PDE1A: variants seen among roughly 807,000 people sequenced by gnomAD.
The protein encoded by PDE1A is dual specificity calcium/calmodulin-dependent 3',5'-cyclic nucleotide phosphodiesterase 1A.
A neutral mutation model predicts 61.7 loss-of-function variants in PDE1A; 35 were observed. That is an observed-to-expected ratio of 0.57 (90% confidence interval 0.43 to 0.75). PDE1A has a LOEUF of 0.75. Ranked by LOEUF, PDE1A falls within the 30% of genes least tolerant of loss-of-function variation. PDE1A has a pLI of 0.00. For missense variants in PDE1A, 597 were observed against 630.6 expected, an observed-to-expected ratio of 0.95 and a Z score of 0.57; for synonymous variants, 232 against 213.2, an observed-to-expected ratio of 1.09 and a Z score of -0.77.
At chr2:182,187,196 G>A (rs535642182) in intron 11 of PDE1A, among the ~76,000 whole-genome samples, 1 of 152,302 alleles carries the variant, frequency 6.6e-6, no homozygotes, top group Admixed American at 6.5e-5. Context: ...AATCAGTGAA[G>A]AGAAAAGTAA....
chr2:182,537,586 G>A, the PDE1A span, among the ~76,000 whole-genome samples: 5 of 151,950 alleles, frequency 3.3e-5, no homozygotes, highest in Non-Finnish European at 5.9e-5. Flanking sequence ...ACCATGGCAC[G>A]GGTATACCTA....
intron 2 of PDE1A, among the ~76,000 whole-genome samples, chr2:182,503,946 T>A (rs1689244990): frequency 6.6e-6 from 1 of 152,168 alleles, no homozygotes; most frequent in African/African-American, 2.4e-5. Flanking sequence ...TATTAATAAG[T>A]CAACAGAGTT....
In PDE1A at chr2:182,177,670, A is replaced by G. The variant is rs1227952759; in HGVS notation, c.1516+8222T>C. Among the ~76,000 whole-genome samples, 6 of 152,140 alleles carry G rather than the reference A, an allele frequency of 3.9e-5. No homozygotes were observed. The South Asian group carries it at 1.0e-3, about 26-fold the overall frequency. ...GCTATTTTGGTTACTGTAGCCTTGT[A>G]GTATAGTTTGAAGTCATGTAGCATG... On this transcript the variant is annotated intron_variant, in intron 13 of 13. Coordinates refer to ENST00000351439, the Ensembl canonical transcript of PDE1A.
intron 2 of PDE1A, among the ~76,000 whole-genome samples, chr2:182,247,420 G>C (rs1691055988): frequency 6.6e-6 from 1 of 152,112 alleles, no homozygotes. Context: ...ATTCCAGTTT[G>C]GAGAGAAGAA....
At chr2:182,560,978 T>G in the PDE1A span, among the ~76,000 whole-genome samples, 1 of 150,508 alleles carries the variant, frequency 6.6e-6, no homozygotes, top group South Asian at 2.2e-4. Flanking sequence ...ATGAGTTGGT[T>G]GCGAAAATTT....
intron 2 of PDE1A, among the ~76,000 whole-genome samples, chr2:182,501,000 C>T (rs891842578): frequency 6.6e-6 from 1 of 152,122 alleles, no homozygotes; most frequent in Non-Finnish European, 1.5e-5. Flanking sequence ...AAAATTTCAA[C>T]CAAAACGAAC....
chr2:182,652,626 T>C, the PDE1A span, among the ~76,000 whole-genome samples: 1 of 152,090 alleles, frequency 6.6e-6, no homozygotes, highest in African/African-American at 2.4e-5. Context: ...CCACCCCTGG[T>C]ACCATTGAGA....
At chr2:182,283,786 G>A (rs1693979671) in intron 1 of PDE1A, among the ~76,000 whole-genome samples, 1 of 152,052 alleles carries the variant, frequency 6.6e-6, no homozygotes, top group Non-Finnish European at 1.5e-5. Flanking sequence ...AGATTATGAA[G>A]TGAAAGTACA....
intron 1 of PDE1A, among the ~76,000 whole-genome samples, chr2:182,285,572 C>A (rs1694101087): frequency 1.3e-5 from 2 of 152,088 alleles, no homozygotes; most frequent in Admixed American, 1.3e-4. Context: ...GTATAACCTT[C>A]TTCTCCTAAC....
the PDE1A span, among the ~76,000 whole-genome samples, chr2:182,609,373 A>C: frequency 1.3e-5 from 2 of 152,248 alleles, no homozygotes; most frequent in African/African-American, 2.4e-5. Context: ...CCAGCCTGGT[A>C]ACCCTCTAGA....
chr2:182,673,358 C>A, the PDE1A span, among the ~76,000 whole-genome samples: 1 of 152,122 alleles, frequency 6.6e-6, no homozygotes, highest in African/African-American at 2.4e-5. Context: ...TGTTGAAAGA[C>A]AATGTTCCAT....
chr2:182,173,030 A>G (rs1441377551), intron 13 of PDE1A, among the ~76,000 whole-genome samples: 2 of 152,024 alleles, frequency 1.3e-5, no homozygotes, highest in Non-Finnish European at 2.9e-5. Flanking sequence ...CTAGGTGAAT[A>G]TAACTACGAA....
intron 1 of PDE1A, among the ~76,000 whole-genome samples, chr2:182,312,855 A>G (rs931044052): frequency 2.0e-5 from 3 of 150,822 alleles, no homozygotes; most frequent in African/African-American, 7.3e-5. Context: ...TGCTGGGATT[A>G]TGACTGGGGT....
the PDE1A span, among the ~76,000 whole-genome samples, chr2:182,676,295 C>T: frequency 6.6e-6 from 1 of 152,014 alleles, no homozygotes; most frequent in East Asian, 1.9e-4. Context: ...CCTCTACACA[C>T]AAAAATTAGA....
At chr2:182,577,663 T>C in the PDE1A span, among the ~76,000 whole-genome samples, 2 of 152,198 alleles carry the variant, frequency 1.3e-5, no homozygotes, top group Non-Finnish European at 2.9e-5. Context: ...ATTGCATTCA[T>C]AAAATTGCAC....
At chr2:182,263,689 A>G (rs955008887) in intron 2 of PDE1A, among the ~76,000 whole-genome samples, 1 of 152,098 alleles carries the variant, frequency 6.6e-6, no homozygotes, top group East Asian at 1.9e-4. Context: ...CATCTCCTGG[A>G]TTTGCCAAAT....
the PDE1A span, among the ~76,000 whole-genome samples, chr2:182,578,426 A>G: frequency 5.3e-5 from 8 of 152,242 alleles, no homozygotes; most frequent in African/African-American, 1.9e-4. Context: ...GCAATATTTT[A>G]TGATTTCAAA....
intron 1 of PDE1A, among the ~76,000 whole-genome samples, chr2:182,420,990 A>G (rs1703242201): frequency 1.3e-5 from 2 of 152,148 alleles, no homozygotes; most frequent in Non-Finnish European, 2.9e-5. Context: ...AGAACTGAGA[A>G]GACTAGGTTC....
At chr2:182,579,347 A>G in the PDE1A span, among the ~76,000 whole-genome samples, 1 of 152,190 alleles carries the variant, frequency 6.6e-6, no homozygotes, top group African/African-American at 2.4e-5. Context: ...TTGCTCATCT[A>G]TAAAGTGGGA....
Sources: allele counts gnomAD v4.1 joint callset (sites outside exome capture counted in the v4.1 genomes callset), GRCh38; gene constraint gnomAD v4.1.1; transcripts MANE v1.5; gene names NCBI Gene and HGNC (gene_info 2026-07-23, HGNC 2026-07-21).